Variants in KCNIP4 observed in about 807,000 individuals in gnomAD.
KCNIP4 encodes potassium voltage-gated channel interacting protein 4.
A neutral mutation model predicts 34.0 loss-of-function variants in KCNIP4; 12 were observed. The ratio of observed to expected loss-of-function variants is 0.35; its 90% CI spans 0.23 to 0.57. The LOEUF (loss-of-function observed/expected upper bound fraction) is 0.57. Among genes scored for constraint, KCNIP4 ranks in the 20% least tolerant of loss-of-function variants. The pLI is 0.83. For synonymous variants in KCNIP4, 124 were observed against 102.2 expected, an observed-to-expected ratio of 1.21 and a Z score of -1.29; for missense variants, 238 against 311.7, an observed-to-expected ratio of 0.76 and a Z score of 1.78.
chr4:20,874,416 T>C (rs1340133610), intron 2 of KCNIP4, among the ~76,000 whole-genome samples: 3 of 152,194 alleles, frequency 2.0e-5, no homozygotes, highest in Non-Finnish European at 4.4e-5. Context: ...AGTCTTCAGA[T>C]GTAGTGATCT....
intron 1 of KCNIP4, among the ~76,000 whole-genome samples, chr4:21,387,473 T>C (rs566657399): frequency 6.6e-6 from 1 of 152,298 alleles, no homozygotes; most frequent in South Asian, 2.1e-4. Flanking sequence ...CAGTCTCTCT[T>C]CATGAAACTT....
intron 1 of KCNIP4, among the ~76,000 whole-genome samples, chr4:21,823,477 C>A (rs1722490378): frequency 6.7e-6 from 1 of 148,720 alleles, no homozygotes; most frequent in Non-Finnish European, 1.5e-5. Flanking sequence ...CTTGTCCAAA[C>A]ATAAATGTGC....
intron 1 of KCNIP4, among the ~76,000 whole-genome samples, chr4:21,743,236 G>A (rs1716539384): frequency 6.6e-6 from 1 of 152,092 alleles, no homozygotes; most frequent in South Asian, 2.1e-4. Context: ...GGTGTTGGCA[G>A]GGTTGCATTC....
At chr4:20,802,482 A>G (rs981901553) in intron 3 of KCNIP4, among the ~76,000 whole-genome samples, 4 of 152,112 alleles carry the variant, frequency 2.6e-5, no homozygotes, top group Non-Finnish European at 4.4e-5. Flanking sequence ...AATGGACTCA[A>G]ATTGCACTTT....
intron 1 of KCNIP4, among the ~76,000 whole-genome samples, chr4:21,413,822 G>C (rs1172372108): frequency 6.6e-6 from 1 of 152,186 alleles, no homozygotes; most frequent in Non-Finnish European, 1.5e-5. Context: ...CGTAGTGTCT[G>C]AACTGTTGTA....
chr4:21,541,180 C>CAAAAAAAAAAAAAAA (rs60459395), intron 1 of KCNIP4, among the ~76,000 whole-genome samples: 32 of 107,436 alleles, frequency 3.0e-4, no homozygotes, highest in Non-Finnish European at 4.5e-4. Context: ...CAAAAGAAAA[C>CAAAAAAAAAAAAAAA]AAAAAAAAAA....
chr4:21,104,311 T>C (rs1460317183), intron 1 of KCNIP4, among the ~76,000 whole-genome samples: 2 of 152,166 alleles, frequency 1.3e-5, no homozygotes, highest in Non-Finnish European at 2.9e-5. Flanking sequence ...TGGTATCTCA[T>C]TGTGGTTTTG....
chr4:21,198,172 T>C (rs1167863152), intron 1 of KCNIP4, among the ~76,000 whole-genome samples: 3 of 152,160 alleles, frequency 2.0e-5, no homozygotes, highest in Non-Finnish European at 4.4e-5. Context: ...AAATGTACAA[T>C]AACATTATTC....
chr4:20,956,478 C>G (rs559850793), intron 1 of KCNIP4, among the ~76,000 whole-genome samples: 25 of 149,694 alleles, frequency 1.7e-4, no homozygotes, highest in Admixed American at 1.4e-3. Context: ...GAACTCCAGC[C>G]TGGGCGACAG....
rs188334160 is a variant in KCNIP4, at chr4:20,995,915, C to T, written c.62-113206G>A. 4.6e-5 allele frequency among the ~76,000 whole-genome samples: 7 copies of T among 152,240 alleles called. No homozygotes were observed. In the East Asian group the frequency reaches 1.4e-3, roughly 29 times the overall value. On this transcript the variant is annotated intron_variant, in intron 1 of 8. Transcript: ENST00000382152. The stretch of plus-strand genomic sequence containing the variant: ...ATAAGTTACTAAGTCCAAGGAAAAA[C>T]ATTAGTGTCCATGAGAAAATGCGTT...
chr4:21,261,854 T>C (rs1761493826), intron 1 of KCNIP4, among the ~76,000 whole-genome samples: 1 of 152,180 alleles, frequency 6.6e-6, no homozygotes, highest in Non-Finnish European at 1.5e-5. Context: ...CTTCTCCTCT[T>C]TCCTTCCACT....
intron 1 of KCNIP4, among the ~76,000 whole-genome samples, chr4:21,472,286 A>C (rs537171146): frequency 6.6e-6 from 1 of 152,198 alleles, no homozygotes; most frequent in Admixed American, 6.6e-5. Context: ...CACTGAGTGC[A>C]GAGGACCCCG....
At chr4:21,055,779 G>A (rs1465576420) in intron 1 of KCNIP4, among the ~76,000 whole-genome samples, 4 of 152,150 alleles carry the variant, frequency 2.6e-5, no homozygotes. Flanking sequence ...GCTACCAAGG[G>A]TTGGCAGAAA....
At chr4:21,422,100 A>G (rs1172097384) in intron 1 of KCNIP4, among the ~76,000 whole-genome samples, 2 of 152,230 alleles carry the variant, frequency 1.3e-5, no homozygotes, top group Non-Finnish European at 2.9e-5. Context: ...TTTCATAAAC[A>G]CTAACTTGAA....
At chr4:21,768,198 T>A (rs1218336237) in intron 1 of KCNIP4, among the ~76,000 whole-genome samples, 1 of 152,098 alleles carries the variant, frequency 6.6e-6, no homozygotes, top group South Asian at 2.1e-4. Flanking sequence ...GAGAGCTTTT[T>A]AAGACCTAGG....
At chr4:20,839,899 G>T (rs1285923024) in intron 3 of KCNIP4, among the ~76,000 whole-genome samples, 1 of 152,136 alleles carries the variant, frequency 6.6e-6, no homozygotes, top group African/African-American at 2.4e-5. Flanking sequence ...GCACAGAAAA[G>T]AGTTAGCATA....
rs148469679 is a variant in KCNIP4, at chr4:21,278,209, T to C, written c.62-395500A>G. On this transcript the variant is annotated intron_variant, in intron 1 of 8. Transcript: ENST00000382152. ...GAAAGAGGTAAAGATAATTCTTTGTTAACTTTTATTTTAAGTTCAGGGGCA... is the reference window on the plus strand; with the variant it reads ...GAAAGAGGTAAAGATAATTCTTTGTCAACTTTTATTTTAAGTTCAGGGGCA... 5.2e-4 allele frequency among the ~76,000 whole-genome samples: 79 copies of C among 152,286 alleles called. 1 individual carries two copies. The East Asian group carries it at 9.1e-3, about 18-fold the overall frequency.
rs190278693 is a variant in KCNIP4 at position 20,746,690 on chromosome 4, T to C, written c.429+2972A>G. On this transcript the variant is annotated intron_variant, in intron 5 of 8. Transcript: ENST00000382152. Reference sequence around the variant, plus strand: ...ATTGCTGATGTTTTAGCAGTATGAATGCTAAGGTTAAGAAGGTTAAGTACT... The same window carrying C: ...ATTGCTGATGTTTTAGCAGTATGAACGCTAAGGTTAAGAAGGTTAAGTACT... Among the ~76,000 whole-genome samples the C allele has an allele frequency of 2.3e-3, 353 of 152,296 alleles. 8 individuals carry two copies. In the South Asian group the frequency reaches 0.046, roughly 20 times the overall value.
chr4:20,944,636 C>A (rs376609745), intron 1 of KCNIP4, among the ~76,000 whole-genome samples: 1 of 152,162 alleles, frequency 6.6e-6, no homozygotes, highest in Non-Finnish European at 1.5e-5. Flanking sequence ...AGAAGGTTTG[C>A]GGGTTTGCCT....
Sources: gnomAD v4.1 joint callset for allele counts (sites outside exome capture counted in the v4.1 genomes callset) on GRCh38, gnomAD v4.1.1 for gene constraint, MANE v1.5 for transcripts, NCBI Gene and HGNC (gene_info 2026-07-23, HGNC 2026-07-21) for gene names.